Variants in KIAA0319 observed in about 807,000 individuals in gnomAD.
KIAA0319 encodes the protein dyslexia-associated protein KIAA0319.
Under a neutral mutation model 108.4 loss-of-function variants are expected in KIAA0319, and 83 were observed. That is an observed-to-expected ratio of 0.77 (90% CI 0.64 to 0.92). The LOEUF (loss-of-function observed/expected upper bound fraction) is 0.92, where lower values mean the gene tolerates loss of function less well. Among genes scored for constraint, KIAA0319 ranks in the 40% least tolerant of loss-of-function variants. The probability of loss-of-function intolerance (pLI) is 0.00; values close to 1 mark genes in which losing one functional copy is unlikely to be tolerated. For missense variants in KIAA0319, 1,195 were observed against 1,322.4 expected, an observed-to-expected ratio of 0.90 and a Z score of 1.49; for synonymous variants, 484 against 510.4, an observed-to-expected ratio of 0.95 and a Z score of 0.70.
In KIAA0319 at chr6:24,601,143, G is replaced by A. The variant is rs760123402; in HGVS notation, c.-40C>T. ...TGGGTGATGGCAGGCTTCTGAGGCGGCCCTGAAGAGAGTTTGGTGCAAGCT... is the reference window on the plus strand; with the variant it reads ...TGGGTGATGGCAGGCTTCTGAGGCGACCCTGAAGAGAGTTTGGTGCAAGCT... On this transcript the variant is annotated 5_prime_UTR_variant, in exon 2 of 21. Transcript: ENST00000378214. The A allele has an allele frequency of 6.2e-7, 1 of 1,607,960 alleles. No homozygotes were observed.
At chr6:24,590,566 C>T (rs1184927106) in intron 3 of KIAA0319, among the ~76,000 whole-genome samples, 1 of 152,106 alleles carries the variant, frequency 6.6e-6, no homozygotes, top group Non-Finnish European at 1.5e-5. Context: ...ACATTTTATA[C>T]TGGGGCCTCT....
At chr6:24,577,974 C>T in intron 9 of KIAA0319, 136 bp downstream of exon 9, 1 of 737,204 alleles carries the variant, frequency 1.4e-6, no homozygotes, top group Non-Finnish European at 2.2e-6. Flanking sequence ...TCTCCAGCGG[C>T]ATGCAACCAA....
At chr6:24,595,846 C>T in intron 3 of KIAA0319, 27 bp downstream of exon 3, 3 of 1,561,122 alleles carry the variant, frequency 1.9e-6, no homozygotes, top group Non-Finnish European at 2.6e-6. Context: ...CCCATCCCAC[C>T]CCCAAGCACA....
intron 16 of KIAA0319, among the ~76,000 whole-genome samples, chr6:24,562,282 T>G (rs1337318757): frequency 6.6e-6 from 1 of 152,248 alleles, no homozygotes; most frequent in Non-Finnish European, 1.5e-5. Flanking sequence ...TTGGTTTTGT[T>G]GATTTTCAGA....
rs1293546671 is a variant in KIAA0319, at chr6:24,553,335, A to ACG, written c.2948+1204_2948+1205dup. 7.3e-4 allele frequency among the ~76,000 whole-genome samples: 61 copies of ACG among 83,812 alleles called. 1 individual carries two copies. Among genetic ancestry groups the ACG allele is most frequent in the African/African-American group, 2.0e-3 (51 of 25,018 alleles). 55.0% of individuals were successfully genotyped at this position (83,812 alleles called of 152,430 possible). A position where few individuals can be genotyped will look rare whatever the true frequency, so the allele number is the denominator to read the frequency against. The stretch of plus-strand genomic sequence containing the variant: ...CACACACACACACACACACACACAC[A>ACG]CGCACATATATATATATATATATCT... On this transcript the variant is annotated intron_variant, in intron 19 of 20. Coordinates refer to ENST00000378214, the MANE Select transcript of KIAA0319 (RefSeq NM_014809.4).
intron 1 of KIAA0319, among the ~76,000 whole-genome samples, chr6:24,630,156 G>T (rs1314865916): frequency 6.6e-6 from 1 of 151,904 alleles, no homozygotes; most frequent in African/African-American, 2.4e-5. Flanking sequence ...TCTAGCCTGG[G>T]TGACAGAGTG....
chr6:24,583,839 C>T (rs1479101931), intron 4 of KIAA0319, 137 bp from the exon 5 acceptor site: 2 of 628,824 alleles, frequency 3.2e-6, no homozygotes, highest in Non-Finnish European at 5.5e-6. Flanking sequence ...AAGATTTTAG[C>T]TAAGGCACGT....
intron 3 of KIAA0319, among the ~76,000 whole-genome samples, chr6:24,590,922 G>A (rs576785064): frequency 6.6e-6 from 1 of 152,272 alleles, no homozygotes; most frequent in East Asian, 1.9e-4. Flanking sequence ...AATCCTCTAT[G>A]GAAGCCACTG....
chr6:24,575,652 C>T (rs764397660), intron 10 of KIAA0319, among the ~76,000 whole-genome samples: 7 of 151,956 alleles, frequency 4.6e-5, no homozygotes, highest in Admixed American at 6.6e-5. Context: ...ATGGAATGTC[C>T]GATTTTATCT....
chr6:24,542,203 A>G (rs1760216618), downstream of KIAA0319, among the ~76,000 whole-genome samples: 1 of 152,194 alleles, frequency 6.6e-6, no homozygotes, highest in African/African-American at 2.4e-5. Context: ...TGAAATTATA[A>G]AGATTTTGTT....
chr6:24,630,683 G>GTATATATATA (rs563881076), intron 1 of KIAA0319, among the ~76,000 whole-genome samples: 6 of 100,690 alleles, frequency 6.0e-5, no homozygotes, highest in African/African-American at 1.8e-4. Context: ...GTGTATATGT[G>GTATATATATA]TATATATATA....
At chr6:24,611,792 C>T (rs1249258673) in intron 1 of KIAA0319, among the ~76,000 whole-genome samples, 2 of 151,636 alleles carry the variant, frequency 1.3e-5, no homozygotes, top group African/African-American at 4.8e-5. Context: ...AGTTGCTCAC[C>T]CCTGTAATCC....
intron 1 of KIAA0319, among the ~76,000 whole-genome samples, chr6:24,604,465 G>C (rs1488543963): frequency 6.6e-6 from 1 of 152,168 alleles, no homozygotes; most frequent in Non-Finnish European, 1.5e-5. Flanking sequence ...GGTACCTTCA[G>C]GCAAATTAAG....
intron 6 of KIAA0319, among the ~76,000 whole-genome samples, chr6:24,581,974 C>T (rs538390500): frequency 2.2e-4 from 33 of 152,202 alleles, no homozygotes; most frequent in African/African-American, 7.9e-4. Flanking sequence ...CGAAACCCCA[C>T]CTCTACAAAA....
intron 7 of KIAA0319, among the ~76,000 whole-genome samples, chr6:24,580,648 A>G (rs1396667901): frequency 1.3e-5 from 2 of 152,196 alleles, no homozygotes; most frequent in Admixed American, 6.5e-5. Flanking sequence ...TAGAAGTTAG[A>G]GTGGATGGTG....
At chr6:24,642,127 GT>G (rs1777009195) in intron 1 of KIAA0319, among the ~76,000 whole-genome samples, 1 of 118,996 alleles carries the variant, frequency 8.4e-6, no homozygotes, top group African/African-American at 3.2e-5. Flanking sequence ...GAAGGAAGGA[GT>G]AGGGAGGGGA....
Position 24,580,920 on chromosome 6 carries a change from GC to G in KIAA0319, c.1279+5del, listed in dbSNP as rs1766418878. 1.3e-6 allele frequency: 2 copies of G among 1,596,168 alleles called. No homozygotes were observed. Among genetic ancestry groups the G allele is most frequent in the Non-Finnish European group, 1.7e-6 (2 of 1,164,344 alleles). ...AACAGGAGGTCATTCTCTTACACCG[GC>G]TTACCAGGCTTAACAGTGACATTGA... is the stretch of plus-strand genomic sequence containing the variant. On this transcript the variant is annotated splice_donor_5th_base_variant and intron_variant, in intron 7 of 20. Transcript: ENST00000378214.
At chr6:24,581,574 G>A (rs1766549426) in intron 6 of KIAA0319, among the ~76,000 whole-genome samples, 1 of 152,148 alleles carries the variant, frequency 6.6e-6, no homozygotes, top group Non-Finnish European at 1.5e-5. Flanking sequence ...GGCAAATTGT[G>A]ACCTGGAATG....
intron 14 of KIAA0319, 49 bp from the exon 15 acceptor site, chr6:24,564,389 A>G (rs1409890256): frequency 1.2e-6 from 2 of 1,610,088 alleles, no homozygotes; most frequent in Non-Finnish European, 8.5e-7. Context: ...TCGGGTCCCA[A>G]TTTCTGGGCT....
Sources: allele counts gnomAD v4.1 joint callset (sites outside exome capture counted in the v4.1 genomes callset), GRCh38; gene constraint gnomAD v4.1.1; transcripts MANE v1.5; gene names NCBI Gene and HGNC (gene_info 2026-07-23, HGNC 2026-07-21).